Variants in KIF26B observed in about 807,000 individuals in gnomAD.
KIF26B encodes the protein kinesin-like protein KIF26B.
KIF26B carries 63 observed loss-of-function variants against 151.2 expected under a neutral mutation model. The observed-to-expected ratio is 0.42, with a 90% CI of 0.34 to 0.51. The LOEUF is 0.51. Ranked by LOEUF, KIF26B falls within the 20% of genes least tolerant of loss-of-function variation. The pLI, the probability that KIF26B is intolerant of heterozygous loss-of-function variation, is 0.07. For synonymous variants in KIF26B, 1,357 were observed against 1,262.1 expected (o/e 1.08, Z -1.59); for missense variants, 2,813 against 2,913.6 (o/e 0.97, Z 0.79).
chr1:245,424,278 G>A (rs560448693), intron 4 of KIF26B, among the ~76,000 whole-genome samples: 1 of 152,198 alleles, frequency 6.6e-6, no homozygotes, highest in Non-Finnish European at 1.5e-5. Context: ...TCAGCCTCCC[G>A]AGTAAGATTA....
intron 4 of KIF26B, among the ~76,000 whole-genome samples, chr1:245,535,452 A>G (rs980556563): frequency 2.0e-5 from 3 of 152,198 alleles, no homozygotes; most frequent in Admixed American, 6.5e-5. Flanking sequence ...ATTGAAGCCA[A>G]CGGAGGCTTT....
rs1311286516 is a variant in KIF26B, at chr1:245,419,725, G to C, written c.1146G>C (p.Val382=). The change falls in exon 4 of 15, where the codon GTG becomes GTC. Residue 382 remains valine, a synonymous_variant. Coordinates refer to ENST00000407071, the MANE Select transcript of KIF26B (RefSeq NM_018012.4). ...GCGAGACTTCCACAGGCACATCGGT[G>C]GCCGCCTCCTTCTTTGCACGGTAAG... ...VASETSTGTS[V]AASFFARAAQ... The C allele has an allele frequency of 1.2e-6, 2 of 1,612,462 alleles. No individual in the cohort carries two copies. The highest frequency in any genetic ancestry group is 4.5e-5 in the East Asian group (2 of 44,854).
chr1:245,568,110 G>A (rs1037315884), intron 5 of KIF26B, among the ~76,000 whole-genome samples: 4 of 147,692 alleles, frequency 2.7e-5, no homozygotes, highest in Non-Finnish European at 4.5e-5. Flanking sequence ...TTCAGTGGAG[G>A]TTGCAGTGAG....
At chr1:245,679,031 G>A (rs1411042027) in intron 10 of KIF26B, among the ~76,000 whole-genome samples, 1 of 152,092 alleles carries the variant, frequency 6.6e-6, no homozygotes, top group Non-Finnish European at 1.5e-5. Context: ...CTGCTTGGTG[G>A]TTCAGTGTCT....
intron 2 of KIF26B, among the ~76,000 whole-genome samples, chr1:245,208,479 A>G (rs553007980): frequency 1.3e-5 from 2 of 152,318 alleles, no homozygotes; most frequent in Admixed American, 1.3e-4. Context: ...CCTCATCCAC[A>G]GAGCCAATTG....
intron 2 of KIF26B, among the ~76,000 whole-genome samples, chr1:245,302,628 C>A (rs1055849490): frequency 6.6e-6 from 1 of 152,094 alleles, no homozygotes; most frequent in African/African-American, 2.4e-5. Context: ...TAAGAAACAT[C>A]GAGGAATTTC....
intron 2 of KIF26B, among the ~76,000 whole-genome samples, chr1:245,215,840 C>G (rs1338964787): frequency 6.6e-6 from 1 of 151,954 alleles, no homozygotes; most frequent in Non-Finnish European, 1.5e-5. Flanking sequence ...GAAAATGTGC[C>G]CCTATATTCT....
At position 245,182,825 on chromosome 1, in the gene KIF26B, C is replaced by T. The variant is rs534348328; in HGVS notation, c.465+26142C>T. 2.0e-5 allele frequency among the ~76,000 whole-genome samples: 3 copies of T among 152,252 alleles called. No individual in the cohort carries two copies. In the South Asian group the frequency reaches 6.2e-4, roughly 32 times the overall value. ...TAATTTTTTGTATTTTTAGTAGAGACAGGGTTTCACCGTGTTAGCCAGGAT... is the reference window on the plus strand; with the variant it reads ...TAATTTTTTGTATTTTTAGTAGAGATAGGGTTTCACCGTGTTAGCCAGGAT... On this transcript the variant is annotated intron_variant, in intron 2 of 14. Coordinates refer to ENST00000407071, the MANE Select transcript of KIF26B (RefSeq NM_018012.4).
chr1:245,341,891 C>T (rs934989135), intron 2 of KIF26B, among the ~76,000 whole-genome samples: 6 of 152,174 alleles, frequency 3.9e-5, no homozygotes, highest in Non-Finnish European at 5.9e-5. Context: ...ACTTGGTTCC[C>T]GTGGCACCAT....
intron 5 of KIF26B, among the ~76,000 whole-genome samples, chr1:245,555,991 A>G (rs1393067546): frequency 1.4e-5 from 2 of 143,262 alleles, no homozygotes; most frequent in Non-Finnish European, 3.2e-5. Context: ...GTGCATCACC[A>G]AGAATATCGG....
intron 2 of KIF26B, among the ~76,000 whole-genome samples, chr1:245,250,585 T>A (rs1181271897): frequency 6.6e-6 from 1 of 152,226 alleles, no homozygotes; most frequent in East Asian, 1.9e-4. Context: ...CCAAAATGGC[T>A]TCTCTGCAAA....
rs533618773 is a variant in KIF26B at position 245,698,786 on chromosome 1, C to A, written c.6028-101C>A. 4 of 1,450,692 alleles carry A rather than the reference C, an allele frequency of 2.8e-6. No individual in the cohort carries two copies. The highest frequency in any genetic ancestry group is 1.4e-5 in the African/African-American group (1 of 70,970). 89.9% of individuals were successfully genotyped at this position (1,450,692 alleles called of 1,614,324 possible). ...GACCCATGTCCCTCCCACACGTCTC[C>A]AAGCCCAGCCTGTTTTCCATCAACG... On this transcript the variant is annotated intron_variant, in intron 13 of 14. Transcript: ENST00000407071. This position sits in a 1 kb window ranked among gnomAD's most constrained non-coding sequence, Gnocchi z 4.0.
At chr1:245,475,754 A>G (rs573094297) in intron 4 of KIF26B, among the ~76,000 whole-genome samples, 1 of 151,862 alleles carries the variant, frequency 6.6e-6, no homozygotes, top group African/African-American at 2.4e-5. Flanking sequence ...CATTGGGGGC[A>G]TTTTGAGCAT....
intron 2 of KIF26B, among the ~76,000 whole-genome samples, chr1:245,223,430 G>A (rs1332306681): frequency 6.6e-6 from 1 of 152,190 alleles, no homozygotes; most frequent in East Asian, 1.9e-4. Flanking sequence ...GCATGCACCT[G>A]TGTAACCCAG....
chr1:245,631,802 T>G (rs1409031177), intron 9 of KIF26B, among the ~76,000 whole-genome samples: 1 of 152,218 alleles, frequency 6.6e-6, no homozygotes, highest in Non-Finnish European at 1.5e-5. Flanking sequence ...GATTTAATCT[T>G]GTAAGGCTGT....
At chr1:245,326,887 C>T (rs1361154633) in intron 2 of KIF26B, among the ~76,000 whole-genome samples, 3 of 152,226 alleles carry the variant, frequency 2.0e-5, no homozygotes, top group Admixed American at 6.5e-5. Context: ...AAGGATCAGG[C>T]CCCAAGAGGC....
At chr1:245,372,970 G>C (rs1673163119) in intron 3 of KIF26B, among the ~76,000 whole-genome samples, 1 of 152,280 alleles carries the variant, frequency 6.6e-6, no homozygotes, top group South Asian at 2.1e-4. Context: ...TAAGAAGAAG[G>C]CGTGAAAATA....
At chr1:245,556,914 A>G (rs1662053928) in intron 5 of KIF26B, among the ~76,000 whole-genome samples, 1 of 152,024 alleles carries the variant, frequency 6.6e-6, no homozygotes, top group South Asian at 2.1e-4. Context: ...CAGTCATCCC[A>G]TTTTCCCAGC....
chr1:245,586,194 TG>T (rs2043222531), intron 5 of KIF26B, among the ~76,000 whole-genome samples: 1 of 142,806 alleles, frequency 7.0e-6, no homozygotes, highest in East Asian at 2.0e-4. Context: ...TGTGTGTGTG[TG>T]TGTTTGTTTT....
Sources: gnomAD v4.1 joint callset for allele counts (sites outside exome capture counted in the v4.1 genomes callset) on GRCh38, gnomAD v4.1.1 for gene constraint, Gnocchi (gnomAD v3.1) non-coding constraint, MANE v1.5 for transcripts, NCBI Gene and HGNC (gene_info 2026-07-23, HGNC 2026-07-21) for gene names.